The following PPFIA1 variants were observed in gnomAD, a reference collection of about 807,000 sequenced individuals.
PPFIA1 encodes the protein PPFI scaffold protein A1.
In PPFIA1, 25 loss-of-function variants were observed where a neutral mutation model predicts 149.9. The observed-to-expected ratio is 0.17, with a 90% confidence interval of 0.12 to 0.23. The LOEUF is 0.23. Among genes scored for constraint, PPFIA1 ranks in the 10% least tolerant of loss-of-function variants. PPFIA1 has a pLI of 1.00. For synonymous variants in PPFIA1, 549 were observed against 552.8 expected, an observed-to-expected ratio of 0.99 and a Z score of 0.10; for missense variants, 1,362 against 1,506.5, an observed-to-expected ratio of 0.90 and a Z score of 1.59.
At chr11:70,301,300 A>G (rs539622078) in intron 2 of PPFIA1, among the ~76,000 whole-genome samples, 4 of 152,328 alleles carry the variant, frequency 2.6e-5, no homozygotes, top group African/African-American at 9.6e-5. Context: ...CACTCAACAC[A>G]GCCCCCAACA....
In PPFIA1 at chr11:70,303,929, C is replaced by A. The variant is rs923079100; in HGVS notation, c.265-20473C>A. 2.0e-5 allele frequency among the ~76,000 whole-genome samples: 3 copies of A among 152,278 alleles called. No homozygotes were observed. In the East Asian group the frequency reaches 5.8e-4, roughly 29 times the overall value. ...GCTGAGGCAGGAGAATCACTTGAAC[C>A]CAGGAGGCGGAGGTTGCGGTGAGCT... On this transcript the variant is annotated intron_variant, in intron 2 of 27. Transcript: ENST00000253925.
At chr11:70,316,888 C>G (rs1042127720) in intron 2 of PPFIA1, among the ~76,000 whole-genome samples, 3 of 152,184 alleles carry the variant, frequency 2.0e-5, no homozygotes, top group Non-Finnish European at 2.9e-5. Flanking sequence ...CTAAACCTTT[C>G]GTTCAGAAGT....
At chr11:70,296,322 A>C (rs1436599109) in intron 2 of PPFIA1, among the ~76,000 whole-genome samples, 1 of 152,028 alleles carries the variant, frequency 6.6e-6, no homozygotes, top group East Asian at 2.0e-4. Context: ...TTGGGAGGCC[A>C]AGGCAGGCAG....
intron 2 of PPFIA1, among the ~76,000 whole-genome samples, chr11:70,297,235 C>T (rs1438073728): frequency 6.6e-6 from 1 of 151,958 alleles, no homozygotes; most frequent in Non-Finnish European, 1.5e-5. Context: ...ATAGCAGGAC[C>T]CTACTTTTAC....
At chr11:70,368,496 T>C (rs1425446839) in intron 21 of PPFIA1, among the ~76,000 whole-genome samples, 2 of 152,206 alleles carry the variant, frequency 1.3e-5, no homozygotes, top group Non-Finnish European at 2.9e-5. Context: ...CTTCCTCAGC[T>C]GCAGACTTCA....
At chr11:70,279,103 C>T in intron 2 of PPFIA1, 1 of 536,984 alleles carries the variant, frequency 1.9e-6, no homozygotes, top group South Asian at 2.0e-5. Flanking sequence ...AGTTCAAGTA[C>T]CTCTGCGGTG....
At chr11:70,335,098 T>C (rs1459452857) in intron 10 of PPFIA1, among the ~76,000 whole-genome samples, 3 of 152,130 alleles carry the variant, frequency 2.0e-5, no homozygotes, top group African/African-American at 7.2e-5. Flanking sequence ...AAAGAAAAAA[T>C]ATGAAGGTCT....
At chr11:70,382,015 GT>G in intron 26 of PPFIA1, 72 bp from the exon 27 acceptor site, 1 of 1,328,610 alleles carries the variant, frequency 7.5e-7, no homozygotes, top group Non-Finnish European at 1.1e-6. Context: ...GTGTCTACTT[GT>G]GCCCTCATGT....
intron 2 of PPFIA1, among the ~76,000 whole-genome samples, chr11:70,314,594 A>G (rs1057312273): frequency 2.0e-5 from 3 of 152,166 alleles, no homozygotes; most frequent in Admixed American, 6.5e-5. Flanking sequence ...GTATCTTTCT[A>G]TATTTTATCT....
intron 21 of PPFIA1, chr11:70,365,334 C>T (rs140066015): frequency 2.2e-6 from 1 of 454,588 alleles, no homozygotes; most frequent in East Asian, 7.0e-5. Context: ...CACTGCTTCC[C>T]TTGCCCTGGA....
rs147780708 is a variant in PPFIA1, at chr11:70,354,482, G to A, written c.2315+30G>A. ...GGAGCCTGCAGCAGCCCCATGCAGAGCGCACCTGTCTTTTCGTTTCTGGTG... is the reference window on the plus strand; with the variant it reads ...GGAGCCTGCAGCAGCCCCATGCAGAACGCACCTGTCTTTTCGTTTCTGGTG... On this transcript the variant is annotated intron_variant, in intron 17 of 27. Transcript: ENST00000253925. The A allele has an allele frequency of 5.0e-4, 784 of 1,571,128 alleles. 7 individuals carry two copies. In the African/African-American group the frequency reaches 9.5e-3, roughly 19 times the overall value.
At chr11:70,335,718 C>G (rs768347151) in intron 11 of PPFIA1, 24 bp downstream of exon 11, 1 of 1,612,314 alleles carries the variant, frequency 6.2e-7, no homozygotes, top group Non-Finnish European at 8.5e-7. Flanking sequence ...CACGGACATG[C>G]TGGAGCTTTC....
rs146455827 is a variant in PPFIA1, at chr11:70,312,481, A to G, written c.265-11921A>G. Among the ~76,000 whole-genome samples the G allele has an allele frequency of 2.2e-3, 342 of 152,248 alleles. 4 individuals carry two copies. Among genetic ancestry groups the G allele is most frequent in the African/African-American group, 7.7e-3 (321 of 41,554 alleles). ...GCTGGGATTACAGGCAGGAGCCGCT[A>G]TGCCTAGCTAGCGAATTAGCATTTA... On this transcript the variant is annotated intron_variant, in intron 2 of 27. Coordinates refer to ENST00000253925, the MANE Select transcript of PPFIA1 (RefSeq NM_003626.5).
At chr11:70,326,208 C>T in intron 5 of PPFIA1, 54 bp from the exon 6 acceptor site, 1 of 1,034,688 alleles carries the variant, frequency 9.7e-7, no homozygotes, top group Non-Finnish European at 1.4e-6. Context: ...GCTATCTTTA[C>T]TTATTTCTCT....
At chr11:70,364,184 T>C (rs1434248542) in intron 21 of PPFIA1, among the ~76,000 whole-genome samples, 1 of 152,172 alleles carries the variant, frequency 6.6e-6, no homozygotes, top group Non-Finnish European at 1.5e-5. Context: ...GTGTTTTCCA[T>C]TTGGGGAGCT....
chr11:70,319,502 A>C lies in PPFIA1; in HGVS notation c.265-4900A>C, dbSNP rs186584878. ...TTAATCCCTGGGATTATTGCAGTGA[A>C]CTCACTGCTGATTTCCCAGTCTTAA... is the stretch of plus-strand genomic sequence containing the variant. On this transcript the variant is annotated intron_variant, in intron 2 of 27. Transcript: ENST00000253925. Among the ~76,000 whole-genome samples, 150 of 152,268 alleles carry C rather than the reference A, an allele frequency of 9.9e-4. 1 individual carries two copies. The highest frequency in any genetic ancestry group is 3.4e-3 in the Middle Eastern group (1 of 294).
intron 2 of PPFIA1, among the ~76,000 whole-genome samples, chr11:70,289,372 T>A (rs2051371333): frequency 6.6e-6 from 1 of 152,182 alleles, no homozygotes; most frequent in Non-Finnish European, 1.5e-5. Context: ...AAAAGTTTTT[T>A]CCCCTTATTT....
chr11:70,362,852 C>G (rs562691224), intron 21 of PPFIA1: 1 of 171,140 alleles, frequency 5.8e-6, no homozygotes, highest in Non-Finnish European at 1.3e-5. Context: ...TCTTGCACTC[C>G]TGGGCTCCAA....
intron 2 of PPFIA1, among the ~76,000 whole-genome samples, chr11:70,313,013 G>T (rs767229020): frequency 6.6e-6 from 1 of 152,208 alleles, no homozygotes; most frequent in Non-Finnish European, 1.5e-5. Context: ...AGCTGGTCAG[G>T]GAAAAGTGGC....
Sources: gnomAD v4.1 joint callset for allele counts (sites outside exome capture counted in the v4.1 genomes callset) on GRCh38, gnomAD v4.1.1 for gene constraint, MANE v1.5 for transcripts, NCBI Gene and HGNC (gene_info 2026-07-23, HGNC 2026-07-21) for gene names.